The following STX8 variants were observed in gnomAD, a reference collection of about 807,000 sequenced individuals.
STX8 encodes the protein syntaxin-8.
Under a neutral mutation model 37.5 loss-of-function variants are expected in STX8, and 23 were observed. That is an observed-to-expected ratio of 0.61 (90% confidence interval 0.44 to 0.87). STX8 has a LOEUF of 0.87. STX8 is among the 40% of genes least tolerant of loss of function. STX8 has a pLI of 0.00. For missense variants in STX8, 313 were observed against 284.7 expected, an observed-to-expected ratio of 1.10 and a Z score of -0.71; for synonymous variants, 115 against 99.1, an observed-to-expected ratio of 1.16 and a Z score of -0.95.
At position 9,522,790 on chromosome 17, in the gene STX8, G is replaced by A. The variant is rs538560876; in HGVS notation, c.324-17628C>T. Among the ~76,000 whole-genome samples the A allele has an allele frequency of 1.9e-3, 293 of 152,218 alleles. 2 individuals carry two copies. The highest frequency in any genetic ancestry group is 4.3e-3 in the Admixed American group (65 of 15,290). On this transcript the variant is annotated intron_variant, in intron 4 of 7. Transcript: ENST00000306357. ...GGCTGGGAAGGGCAAGAGGTTGGGG[G>A]AAGGAAAGGTTGGTTAAGGGAGACA...
chr17:9,314,051 A>G lies in STX8; in HGVS notation c.644-63406T>C, dbSNP rs76116571. Among the ~76,000 whole-genome samples the G allele has an allele frequency of 2.4e-3, 371 of 152,312 alleles. 3 individuals carry two copies. The highest frequency in any genetic ancestry group is 8.0e-3 in the African/African-American group (332 of 41,564). ...CTCATTTGGTTTAACAGTTATTTAT[A>G]TACACGTCTTAACTCCCCTACTGAA... On this transcript the variant is annotated intron_variant, in intron 7 of 7. Transcript: ENST00000306357.
chr17:9,370,202 A>G (rs1281136669), intron 7 of STX8, among the ~76,000 whole-genome samples: 2 of 152,152 alleles, frequency 1.3e-5, no homozygotes, highest in African/African-American at 4.8e-5. Context: ...GCGAAAGAGC[A>G]AGACTCCATC....
Position 9,396,640 on chromosome 17 carries a change from G to A in STX8, c.542-17987C>T, listed in dbSNP as rs1328329243. Among the ~76,000 whole-genome samples the A allele has an allele frequency of 2.6e-5, 4 of 151,886 alleles. No homozygotes were observed. In the South Asian group the frequency reaches 6.2e-4, roughly 24 times the overall value. ...CAGGAGATTCGCTTGAACCCAGGAGGCGGAGGTTGCAGTGAGTCGAGATCG... is the reference window on the plus strand; with the variant it reads ...CAGGAGATTCGCTTGAACCCAGGAGACGGAGGTTGCAGTGAGTCGAGATCG... On this transcript the variant is annotated intron_variant, in intron 6 of 7. Coordinates refer to ENST00000306357, the MANE Select transcript of STX8 (RefSeq NM_004853.3).
chr17:9,559,005 C>A (rs1250182733), intron 2 of STX8, among the ~76,000 whole-genome samples: 4 of 151,994 alleles, frequency 2.6e-5, no homozygotes, highest in Non-Finnish European at 5.9e-5. Context: ...ATATCCATCA[C>A]AGCTTATGAA....
chr17:9,403,053 G>C (rs1202878510), intron 6 of STX8, among the ~76,000 whole-genome samples: 2 of 152,136 alleles, frequency 1.3e-5, no homozygotes, highest in African/African-American at 2.4e-5. Flanking sequence ...ATCCAAAAGA[G>C]ACAAAGGGCA....
chr17:9,310,528 C>G (rs933117764), intron 7 of STX8, among the ~76,000 whole-genome samples: 1 of 152,126 alleles, frequency 6.6e-6, no homozygotes, highest in Non-Finnish European at 1.5e-5. Flanking sequence ...TGTCTCAATA[C>G]AAAACCTTCA....
intron 7 of STX8, among the ~76,000 whole-genome samples, chr17:9,324,582 G>A (rs1323852769): frequency 6.6e-6 from 1 of 151,976 alleles, no homozygotes; most frequent in African/African-American, 2.4e-5. Context: ...GGGCAACATG[G>A]TGAAACCCTG....
intron 6 of STX8, among the ~76,000 whole-genome samples, chr17:9,425,343 C>G (rs1913589525): frequency 6.6e-6 from 1 of 152,082 alleles, no homozygotes; most frequent in African/African-American, 2.4e-5. Context: ...ATGCTCCTGT[C>G]CAGGTTCATT....
chr17:9,321,191 A>G (rs1909565254), intron 7 of STX8, among the ~76,000 whole-genome samples: 1 of 152,168 alleles, frequency 6.6e-6, no homozygotes, highest in African/African-American at 2.4e-5. Context: ...TATGAATGAA[A>G]CCCTATCTAT....
chr17:9,538,052 T>C (rs1906130329), intron 4 of STX8, among the ~76,000 whole-genome samples: 1 of 152,208 alleles, frequency 6.6e-6, no homozygotes, highest in African/African-American at 2.4e-5. Context: ...AAGGAAGGTT[T>C]GCTTTACCAC....
intron 7 of STX8, among the ~76,000 whole-genome samples, chr17:9,302,436 G>T (rs1224779679): frequency 6.6e-6 from 1 of 151,936 alleles, no homozygotes; most frequent in African/African-American, 2.4e-5. Flanking sequence ...CCTTAAGTTG[G>T]CTTAATCTAA....
At chr17:9,528,842 G>A (rs1254921161) in intron 4 of STX8, among the ~76,000 whole-genome samples, 3 of 151,536 alleles carry the variant, frequency 2.0e-5, no homozygotes, top group Non-Finnish European at 4.4e-5. Flanking sequence ...CTAAAATCAA[G>A]AAATGCCAAA....
Position 9,473,208 on chromosome 17 carries a change from G to A in STX8, c.541+18621C>T, listed in dbSNP as rs144818014. The stretch of plus-strand genomic sequence containing the variant: ...ATTTTTGTATTTTTTTAGTAGAGAC[G>A]GGGTTTCACCATGTTGGCCAGGCTG... On this transcript the variant is annotated intron_variant, in intron 6 of 7. Transcript: ENST00000306357. Among the ~76,000 whole-genome samples the A allele has an allele frequency of 2.8e-4, 43 of 151,968 alleles. No individual in the cohort carries two copies. The East Asian group carries it at 3.9e-3, about 14-fold the overall frequency.
intron 7 of STX8, among the ~76,000 whole-genome samples, chr17:9,299,892 A>G (rs929556284): frequency 1.3e-5 from 2 of 152,192 alleles, no homozygotes; most frequent in African/African-American, 4.8e-5. Flanking sequence ...GTTTGCCTCA[A>G]TCAACTACGT....
chr17:9,275,884 G>GA (rs766160228), intron 7 of STX8, among the ~76,000 whole-genome samples: 29 of 144,086 alleles, frequency 2.0e-4, no homozygotes, highest in East Asian at 4.1e-4. Flanking sequence ...AGAAAAAAAA[G>GA]AAAAAAAAAA....
At chr17:9,486,465 A>C (rs943745200) in intron 6 of STX8, among the ~76,000 whole-genome samples, 4 of 152,194 alleles carry the variant, frequency 2.6e-5, no homozygotes, top group African/African-American at 9.6e-5. Context: ...ATTCTTTGTG[A>C]TGCTGATCTT....
intron 2 of STX8, among the ~76,000 whole-genome samples, chr17:9,562,576 T>C (rs1056228734): frequency 3.4e-5 from 5 of 145,922 alleles, no homozygotes; most frequent in Admixed American, 6.9e-5. Flanking sequence ...AGTAGAAAAA[T>C]GGGCAAAAGA....
At chr17:9,477,906 G>A (rs1029265279) in intron 6 of STX8, among the ~76,000 whole-genome samples, 1 of 152,138 alleles carries the variant, frequency 6.6e-6, no homozygotes, top group Admixed American at 6.5e-5. Flanking sequence ...CCAGCTTCTA[G>A]CTTTATTTGG....
intron 6 of STX8, among the ~76,000 whole-genome samples, chr17:9,490,421 G>C (rs899454686): frequency 2.6e-5 from 4 of 152,226 alleles, no homozygotes; most frequent in African/African-American, 9.6e-5. Context: ...GCCCAGGCTG[G>C]AGTGCAATGG....
Sources: gnomAD v4.1 joint callset for allele counts (sites outside exome capture counted in the v4.1 genomes callset) on GRCh38, gnomAD v4.1.1 for gene constraint, MANE v1.5 for transcripts, NCBI Gene and HGNC (gene_info 2026-07-23, HGNC 2026-07-21) for gene names.